FOXP1: variants seen among roughly 807,000 people sequenced by gnomAD.
FOXP1 encodes the protein forkhead box P1, also known as forkhead box protein P1.
A neutral mutation model predicts 98.2 loss-of-function variants in FOXP1; 15 were observed. That is an observed-to-expected ratio of 0.15 (90% CI 0.10 to 0.24). FOXP1 has a LOEUF of 0.24. FOXP1 is among the 10% of genes least tolerant of loss of function. FOXP1 has a pLI of 1.00. For missense variants in FOXP1, 633 were observed against 848.5 expected, an observed-to-expected ratio of 0.75 and a Z score of 3.15; for synonymous variants, 371 against 314.5, an observed-to-expected ratio of 1.18 and a Z score of -1.90.
At chr3:71,312,390 G>C (rs1044731429) in intron 4 of FOXP1, among the ~76,000 whole-genome samples, 1 of 152,192 alleles carries the variant, frequency 6.6e-6, no homozygotes, top group Non-Finnish European at 1.5e-5. Context: ...TTTCTGAAAA[G>C]AGTACTGTGT....
intron 5 of FOXP1, among the ~76,000 whole-genome samples, chr3:71,201,122 A>G (rs1412863747): frequency 6.6e-6 from 1 of 152,182 alleles, no homozygotes; most frequent in Non-Finnish European, 1.5e-5. Context: ...AGACTTTCTA[A>G]TAACTACAGT....
rs189879106 is a variant in FOXP1 at position 71,207,295 on chromosome 3, G to A, written c.-11-8903C>T. ...TTTTCTATCATTTAATGTACACGAG[G>A]CCAGGTTCATAACATAGATTAATGA... On this transcript the variant is annotated intron_variant, in intron 5 of 20. Transcript: ENST00000649528. Among the ~76,000 whole-genome samples, 25 of 151,118 alleles carry A rather than the reference G, an allele frequency of 1.7e-4. 1 individual carries two copies. Among genetic ancestry groups the A allele is most frequent in the Admixed American group, 1.4e-3 (21 of 15,126 alleles).
chr3:71,173,140 C>A (rs2061733078), intron 6 of FOXP1, among the ~76,000 whole-genome samples: 1 of 151,952 alleles, frequency 6.6e-6, no homozygotes, highest in African/African-American at 2.4e-5. Context: ...CAGAGGTCAC[C>A]TTTTTTCCCC....
intron 2 of FOXP1, among the ~76,000 whole-genome samples, chr3:71,542,766 C>T (rs965751621): frequency 1.3e-5 from 2 of 152,232 alleles, no homozygotes; most frequent in Non-Finnish European, 2.9e-5. Flanking sequence ...CACATACTCA[C>T]ACTCCTCCCT....
intron 6 of FOXP1, among the ~76,000 whole-genome samples, chr3:71,180,332 A>G (rs981611016): frequency 2.0e-5 from 3 of 152,202 alleles, no homozygotes; most frequent in African/African-American, 7.2e-5. Context: ...TATGTAGTAT[A>G]TAATTATTTG....
At chr3:71,305,289 G>T (rs916794978) in intron 4 of FOXP1, among the ~76,000 whole-genome samples, 19 of 152,154 alleles carry the variant, frequency 1.2e-4, no homozygotes, top group Non-Finnish European at 2.6e-4. Flanking sequence ...CACTGAGCCT[G>T]GATGATGTCT....
chr3:71,558,793 C>A (rs1320974063), intron 2 of FOXP1, among the ~76,000 whole-genome samples: 1 of 138,900 alleles, frequency 7.2e-6, no homozygotes, highest in Admixed American at 7.4e-5. Context: ...CACACCCAGC[C>A]GATTCTCACT....
intron 6 of FOXP1, among the ~76,000 whole-genome samples, chr3:71,188,473 G>A (rs1327811404): frequency 1.3e-5 from 2 of 150,444 alleles, no homozygotes; most frequent in African/African-American, 2.5e-5. Flanking sequence ...GGAGTGCAGT[G>A]GCACAATCTC....
intron 13 of FOXP1, among the ~76,000 whole-genome samples, chr3:70,989,619 G>A (rs1221949561): frequency 2.0e-5 from 3 of 151,944 alleles, no homozygotes; most frequent in Non-Finnish European, 4.4e-5. Flanking sequence ...TAAGCTTTTT[G>A]ATGTCAAATA....
chr3:71,005,602 T>C (rs1396741722), intron 12 of FOXP1, among the ~76,000 whole-genome samples: 2 of 152,108 alleles, frequency 1.3e-5, no homozygotes, highest in Non-Finnish European at 2.9e-5. Flanking sequence ...AATGTGACCC[T>C]GTTCATGCAT....
intron 5 of FOXP1, among the ~76,000 whole-genome samples, chr3:71,294,509 G>A (rs969335061): frequency 6.6e-6 from 1 of 152,064 alleles, no homozygotes; most frequent in African/African-American, 2.4e-5. Context: ...AACTCTGTGA[G>A]GACAGAGACC....
chr3:71,168,755 G>A (rs1207582105), intron 6 of FOXP1, among the ~76,000 whole-genome samples: 1 of 152,172 alleles, frequency 6.6e-6, no homozygotes, highest in Non-Finnish European at 1.5e-5. Flanking sequence ...GTTTGCCAGT[G>A]CTGGAAAACT....
rs566419044 is a variant in FOXP1, at chr3:71,577,292, T to C, written c.-298+4257A>G. On this transcript the variant is annotated intron_variant, in intron 2 of 20. Coordinates refer to ENST00000649528, the MANE Select transcript of FOXP1 (RefSeq NM_001349338.3). ...CCTCGTAGCCCTAACTGTAAGAACA[T>C]TATCTATGGGATGCAAAACCAAAAC... Among the ~76,000 whole-genome samples, 6 of 152,334 alleles carry C rather than the reference T, an allele frequency of 3.9e-5. No individual in the cohort carries two copies. In the East Asian group the frequency reaches 7.7e-4, roughly 20 times the overall value.
intron 2 of FOXP1, among the ~76,000 whole-genome samples, chr3:71,526,528 G>T (rs185967939): frequency 5.3e-5 from 8 of 152,158 alleles, no homozygotes; most frequent in Non-Finnish European, 1.2e-4. Flanking sequence ...AAGCAGAAAC[G>T]GGGCTCTAAG....
chr3:71,520,332 A>G (rs2042887859), intron 2 of FOXP1, among the ~76,000 whole-genome samples: 1 of 152,246 alleles, frequency 6.6e-6, no homozygotes, highest in Admixed American at 6.5e-5. Flanking sequence ...ATTTCTTAGC[A>G]TATGTGCAGA....
chr3:71,399,779 C>G (rs1367708490), intron 3 of FOXP1, among the ~76,000 whole-genome samples: 1 of 152,154 alleles, frequency 6.6e-6, no homozygotes, highest in African/African-American at 2.4e-5. Context: ...TGTATAACTA[C>G]AGTCAGCCAC....
chr3:71,042,317 T>C (rs916403794), intron 10 of FOXP1, among the ~76,000 whole-genome samples: 1 of 152,144 alleles, frequency 6.6e-6, no homozygotes, highest in Non-Finnish European at 1.5e-5. Flanking sequence ...TAAATGGACA[T>C]GGGTTTTAAG....
intron 2 of FOXP1, among the ~76,000 whole-genome samples, chr3:71,516,049 A>G (rs2042557593): frequency 6.6e-6 from 1 of 152,224 alleles, no homozygotes; most frequent in South Asian, 2.1e-4. Context: ...AATACAGTAC[A>G]TGATCCTGGA....
intron 12 of FOXP1, among the ~76,000 whole-genome samples, chr3:71,007,763 T>A (rs1389819080): frequency 6.6e-6 from 1 of 152,174 alleles, no homozygotes; most frequent in African/African-American, 2.4e-5. Flanking sequence ...ACAAAACTCT[T>A]CACAGTTTTG....
Sources: gnomAD v4.1 joint callset for allele counts (sites outside exome capture counted in the v4.1 genomes callset) on GRCh38, gnomAD v4.1.1 for gene constraint, MANE v1.5 for transcripts, NCBI Gene and HGNC (gene_info 2026-07-23, HGNC 2026-07-21) for gene names.